GAN: variants seen among roughly 807,000 people sequenced by gnomAD.
GAN encodes the protein gigaxonin.
In GAN, 48 loss-of-function variants were observed where a neutral mutation model predicts 71.3. The observed-to-expected ratio is 0.67, with a 90% CI of 0.53 to 0.86. The LOEUF is 0.86. Ranked by LOEUF, GAN falls within the 40% of genes least tolerant of loss-of-function variation. The probability of loss-of-function intolerance (pLI) is 0.00; values close to 1 mark genes in which losing one functional copy is unlikely to be tolerated. For synonymous variants in GAN, 386 were observed against 276.8 expected, an observed-to-expected ratio of 1.39 and a Z score of -3.92; for missense variants, 928 against 770.1, an observed-to-expected ratio of 1.21 and a Z score of -2.43.
intron 9 of GAN, among the ~76,000 whole-genome samples, chr16:81,369,101 T>C (rs964152890): frequency 1.3e-5 from 2 of 152,234 alleles, no homozygotes; most frequent in African/African-American, 4.8e-5. Flanking sequence ...TCTACTTTAA[T>C]TTTTTACAGT....
intron 8 of GAN, 51 bp from the exon 9 acceptor site, chr16:81,365,299 G>A (rs1228796019): frequency 6.2e-7 from 1 of 1,612,228 alleles, no homozygotes; most frequent in Admixed American, 1.7e-5. Context: ...GCGGGAGTGA[G>A]ATCTCGCATT....
At chr16:81,317,682 G>C (rs779223096) in intron 1 of GAN, among the ~76,000 whole-genome samples, 1 of 152,138 alleles carries the variant, frequency 6.6e-6, no homozygotes, top group Admixed American at 6.5e-5. Context: ...AATTAATTAC[G>C]GCTAACCGCC....
At chr16:81,331,592 A>G (rs12149852) in intron 1 of GAN, among the ~76,000 whole-genome samples, 143,824 of 152,212 alleles carry the variant, frequency 0.94, 67,997 homozygotes, top group Middle Eastern at 0.98. Flanking sequence ...CCCTCAAGGC[A>G]AAGTCCAAGT....
At chr16:81,326,199 C>T (rs1261651055) in intron 1 of GAN, among the ~76,000 whole-genome samples, 2 of 152,096 alleles carry the variant, frequency 1.3e-5, no homozygotes, top group Admixed American at 6.5e-5. Context: ...GGCACTCAGT[C>T]CGTAAGCAGA....
Position 81,372,440 on chromosome 16 carries a change from C to A in GAN, c.1503-4779C>A, listed in dbSNP as rs538253258. On this transcript the variant is annotated intron_variant, in intron 9 of 10. Transcript: ENST00000648994. ...CTAGGATAGCTAAATTGTTCAGGGT[C>A]GGTGAGATGATAAATGACATGTAAA... 4.6e-5 allele frequency among the ~76,000 whole-genome samples: 7 copies of A among 152,256 alleles called. No individual in the cohort carries two copies. In the South Asian group the frequency reaches 6.2e-4, roughly 14 times the overall value.
chr16:81,349,634 A>T (rs1910234032), intron 1 of GAN, among the ~76,000 whole-genome samples: 1 of 152,140 alleles, frequency 6.6e-6, no homozygotes, highest in Admixed American at 6.5e-5. Context: ...ACAGAGTGAG[A>T]CCCTGTCTCA....
intron 1 of GAN, among the ~76,000 whole-genome samples, chr16:81,343,631 C>T (rs1389961114): frequency 6.6e-6 from 1 of 152,010 alleles, no homozygotes; most frequent in African/African-American, 2.4e-5. Context: ...CATAATAAGA[C>T]CTATTTACGA....
chr16:81,377,858 A>G lies in GAN; in HGVS notation c.*262A>G. The G allele has an allele frequency of 3.9e-6, 2 of 519,296 alleles. No homozygotes were observed. Among genetic ancestry groups the G allele is most frequent in the East Asian group, 3.4e-5 (1 of 29,292 alleles). The allele number at this position is 519,296 out of a possible 1,614,324, so 32.2% of individuals were successfully genotyped here. ...TTGGAGGCTAGGGAGGCTAGTAAATATCAAAAGGAAAAGGGAGTGGGAATT... is the reference window on the plus strand; with the variant it reads ...TTGGAGGCTAGGGAGGCTAGTAAATGTCAAAAGGAAAAGGGAGTGGGAATT... On this transcript the variant is annotated 3_prime_UTR_variant, in exon 11 of 11. Coordinates refer to ENST00000648994, the MANE Select transcript of GAN (RefSeq NM_022041.4).
At chr16:81,372,278 T>A (rs1320603545) in intron 9 of GAN, among the ~76,000 whole-genome samples, 1 of 152,248 alleles carries the variant, frequency 6.6e-6, no homozygotes, top group Non-Finnish European at 1.5e-5. Context: ...TTGCAAAAAT[T>A]AGTATCGTTT....
chr16:81,330,707 G>A (rs1909547522), intron 1 of GAN, among the ~76,000 whole-genome samples: 2 of 152,190 alleles, frequency 1.3e-5, no homozygotes, highest in Non-Finnish European at 2.9e-5. Context: ...GGAGAAAAAG[G>A]TATTTATGTA....
intron 4 of GAN, among the ~76,000 whole-genome samples, chr16:81,357,517 T>C (rs1446872398): frequency 6.6e-6 from 1 of 152,180 alleles, no homozygotes; most frequent in African/African-American, 2.4e-5. Flanking sequence ...TGTTGGACAT[T>C]TGGGTTGGTT....
At position 81,334,452 on chromosome 16, in the gene GAN, C is replaced by T. The variant is rs573276826; in HGVS notation, c.168-17131C>T. ...CTGACTTTTCACTACATTGCATCTCCGAATCTTCCCAGGCAGGGCACATGT... is the reference window on the plus strand; with the variant it reads ...CTGACTTTTCACTACATTGCATCTCTGAATCTTCCCAGGCAGGGCACATGT... On this transcript the variant is annotated intron_variant, in intron 1 of 10. Transcript: ENST00000648994. Among the ~76,000 whole-genome samples the T allele has an allele frequency of 1.7e-4, 26 of 152,244 alleles. No homozygotes were observed. In the South Asian group the frequency reaches 4.4e-3, roughly 26 times the overall value.
chr16:81,359,417 T>G (rs555988824), intron 5 of GAN, among the ~76,000 whole-genome samples: 1 of 151,898 alleles, frequency 6.6e-6, no homozygotes, highest in Non-Finnish European at 1.5e-5. Context: ...TTTTTTTTTT[T>G]TTTTTGCCTT....
chr16:81,316,027 A>G (rs1005936152), intron 1 of GAN, among the ~76,000 whole-genome samples: 1 of 152,240 alleles, frequency 6.6e-6, no homozygotes, highest in African/African-American at 2.4e-5. Flanking sequence ...CTTGCGACAA[A>G]GGGCATTTTA....
At chr16:81,333,843 A>T (rs1262249103) in intron 1 of GAN, among the ~76,000 whole-genome samples, 1 of 152,148 alleles carries the variant, frequency 6.6e-6, no homozygotes, top group Non-Finnish European at 1.5e-5. Context: ...CCCTCTAGGG[A>T]TGGCTGCATT....
chr16:81,346,625 T>C (rs1910127843), intron 1 of GAN, among the ~76,000 whole-genome samples: 1 of 152,162 alleles, frequency 6.6e-6, no homozygotes, highest in African/African-American at 2.4e-5. Flanking sequence ...TCCCCACAAC[T>C]CCCTTCTGTG....
At position 81,354,643 on chromosome 16, in the gene GAN, G is replaced by T; in HGVS notation, c.521G>T (p.Ser174Ile). The change falls in exon 3 of 11, where the codon AGT becomes ATT. Residue 174 changes from serine (S) to isoleucine (I), a missense_variant. Coordinates refer to ENST00000648994, the MANE Select transcript of GAN (RefSeq NM_022041.4). ...AGCACGGAAGAATTCTTAGAGCTGA[G>T]TCCTCAAAAGCTTAAAGAAGTGATT... is the stretch of plus-strand genomic sequence containing the variant. ...VSSTEEFLEL[S>I]PQKLKEVISL... The T allele has an allele frequency of 6.2e-7, 1 of 1,613,342 alleles. No individual in the cohort carries two copies. Among genetic ancestry groups the T allele is most frequent in the Non-Finnish European group, 8.5e-7 (1 of 1,179,262 alleles).
At chr16:81,353,360 T>C (rs1910369530) in intron 2 of GAN, among the ~76,000 whole-genome samples, 1 of 152,280 alleles carries the variant, frequency 6.6e-6, no homozygotes, top group Non-Finnish European at 1.5e-5. Context: ...TTTTGTTTTA[T>C]TGAAATGCAG....
At chr16:81,340,642 T>A (rs2150677503) in intron 1 of GAN, among the ~76,000 whole-genome samples, 1 of 151,772 alleles carries the variant, frequency 6.6e-6, no homozygotes, top group African/African-American at 2.4e-5. Flanking sequence ...GTCACCAACA[T>A]CAAAGACCCA....
Sources: gnomAD v4.1 joint callset for allele counts (sites outside exome capture counted in the v4.1 genomes callset) on GRCh38, gnomAD v4.1.1 for gene constraint, MANE v1.5 for transcripts, NCBI Gene and HGNC (gene_info 2026-07-23, HGNC 2026-07-21) for gene names.